NOL8: variants seen among roughly 807,000 people sequenced by gnomAD.
The protein encoded by NOL8 is nucleolar protein Nop132.
A neutral mutation model predicts 116.1 loss-of-function variants in NOL8; 93 were observed. That is an observed-to-expected ratio of 0.80 (90% CI 0.68 to 0.95). The LOEUF (loss-of-function observed/expected upper bound fraction) is 0.95, where lower values mean the gene tolerates loss of function less well. Among genes scored for constraint, NOL8 ranks in the 40% least tolerant of loss-of-function variants. The pLI is 0.00. For synonymous variants in NOL8, 419 were observed against 469.0 expected (o/e 0.89, Z 1.38); for missense variants, 1,291 against 1,382.8 (o/e 0.93, Z 1.05).
chr9:92,319,653 T>C (rs1839752375), intron 4 of NOL8, among the ~76,000 whole-genome samples: 1 of 152,238 alleles, frequency 6.6e-6, no homozygotes, highest in African/African-American at 2.4e-5. Flanking sequence ...TATGTAAATA[T>C]ACATATTTTA....
chr9:92,300,894 G>T, intron 13 of NOL8: 1 of 1,008,912 alleles, frequency 9.9e-7, no homozygotes, highest in Non-Finnish European at 1.2e-6. Context: ...TAGAATCATT[G>T]TAGTTAGGTA....
At chr9:92,308,817 GT>G (rs1298643438) in intron 10 of NOL8, 1 of 152,220 alleles carries the variant, frequency 6.6e-6, no homozygotes, top group Admixed American at 6.5e-5. Context: ...TGGAGGACAA[GT>G]TGTTTACGGC....
At chr9:92,319,767 T>A (rs553486559) in intron 4 of NOL8, among the ~76,000 whole-genome samples, 3 of 152,210 alleles carry the variant, frequency 2.0e-5, no homozygotes, top group Non-Finnish European at 4.4e-5. Context: ...TGCCTTTCCA[T>A]CAATCTACTG....
rs773193772 is a variant in NOL8, at chr9:92,315,946, C to G, written c.679G>C (p.Glu227Gln). 4 of 1,613,930 alleles carry G rather than the reference C, an allele frequency of 2.5e-6. No homozygotes were observed. The South Asian group carries it at 4.4e-5, about 18-fold the overall frequency. ...PKKIIKVQKDESSTGSLAMST... is the reference protein window; with the variant it reads ...PKKIIKVQKDQSSTGSLAMST... ...ATGGCCAGAGACCCAGTGGAACTCT[C>G]ATCCTTCTGCACTTTTATTATCTTC... The change falls in exon 7 of 17, where the codon GAG (glutamate) becomes CAG (glutamine). Residue 227 changes from glutamate to glutamine, a missense_variant. Glu to Gln is a conservative substitution (Grantham distance 29). Coordinates refer to ENST00000442668, the MANE Select transcript of NOL8 (RefSeq NM_017948.6).
At position 92,315,018 on chromosome 9, in the gene NOL8, C is replaced by G. The variant is rs372982099; in HGVS notation, c.1607G>C (p.Arg536Pro). The G allele has an allele frequency of 1.2e-6, 2 of 1,613,882 alleles. No homozygotes were observed. Among genetic ancestry groups the G allele is most frequent in the African/African-American group, 2.7e-5 (2 of 74,940 alleles). The change falls in exon 7 of 17, where the codon CGA becomes CCA. Residue 536 changes from arginine (R) to proline (P), a missense_variant. By Grantham distance (103) the Arg-to-Pro change is moderately radical. Coordinates refer to ENST00000442668, the MANE Select transcript of NOL8 (RefSeq NM_017948.6). ...AATCTCCGCAGGACGAATACACTGT[C>G]GGCCTCTGCGGAGGCCAGTGGGAGT... The part of the protein sequence containing the change: ...PKTPTGLRRG[R>P]QCIRPAEIVA...
intron 3 of NOL8, 198 bp downstream of exon 3, chr9:92,323,243 G>A: frequency 1.4e-6 from 2 of 1,458,858 alleles, no homozygotes; most frequent in Non-Finnish European, 1.8e-6. Context: ...CACCAGTAAA[G>A]TGCTACCATG....
chr9:92,319,813 A>G, intron 4 of NOL8: 1 of 344,914 alleles, frequency 2.9e-6, no homozygotes, highest in South Asian at 2.3e-5. Flanking sequence ...CCAGCAACTG[A>G]GCTATACGGT....
At position 92,297,731 on chromosome 9, in the gene NOL8, T is replaced by C. The variant is rs1465922943; in HGVS notation, c.*105A>G. ...TATTCCGTCAGCCAGATTTTTAAAATTCCTTCACTCTGAAATTTCTTCTTT... is the reference window on the plus strand; with the variant it reads ...TATTCCGTCAGCCAGATTTTTAAAACTCCTTCACTCTGAAATTTCTTCTTT... On this transcript the variant is annotated 3_prime_UTR_variant, in exon 17 of 17. Transcript: ENST00000442668. The C allele has an allele frequency of 1.2e-6, 1 of 820,146 alleles. No homozygotes were observed. Among genetic ancestry groups the C allele is most frequent in the Non-Finnish European group, 1.9e-6 (1 of 532,604 alleles). 50.8% of individuals were successfully genotyped at this position (820,146 alleles called of 1,614,324 possible).
At position 92,315,787 on chromosome 9, in the gene NOL8, T is replaced by C; in HGVS notation, c.838A>G (p.Asn280Asp). 3 of 1,613,774 alleles carry C rather than the reference T, an allele frequency of 1.9e-6. No individual in the cohort carries two copies. The highest frequency in any genetic ancestry group is 2.5e-6 in the Non-Finnish European group (3 of 1,179,806). The change falls in exon 7 of 17, where the codon AAT becomes GAT. Residue 280 changes from asparagine to aspartate, a missense_variant. By Grantham distance (23) the Asn-to-Asp change is conservative. Coordinates refer to ENST00000442668, the MANE Select transcript of NOL8 (RefSeq NM_017948.6). The stretch of plus-strand genomic sequence containing the variant: ...AAGCCAGAAGTCTTAAAAGGTAGAT[T>C]TTTAAGTTTCTGAGTATCAGAAACA... ...VPVSDTQKLK[N>D]LPFKTSGLET...
In NOL8 at chr9:92,315,636, T is replaced by G; in HGVS notation, c.989A>C (p.Glu330Ala). ...RTTQPSINES[E>A]SDPFEVVRDD... ...CCTTACAACTTCAAAAGGATCACTTTCAGATTCATTTATTGAGGGTTGTGT... is the reference window on the plus strand; with the variant it reads ...CCTTACAACTTCAAAAGGATCACTTGCAGATTCATTTATTGAGGGTTGTGT... Residue 330 changes from glutamate (E) to alanine (A), a missense_variant, in exon 7 of 17, where the codon GAA becomes GCA. By Grantham distance (107) the Glu-to-Ala change is moderately radical (BLOSUM62 -1). Coordinates refer to ENST00000442668, the MANE Select transcript of NOL8 (RefSeq NM_017948.6). The G allele has an allele frequency of 6.2e-7, 1 of 1,613,402 alleles. No individual in the cohort carries two copies. Among genetic ancestry groups the G allele is most frequent in the African/African-American group, 1.3e-5 (1 of 75,056 alleles).
chr9:92,313,774 AGT>A (rs1839081854), intron 7 of NOL8, among the ~76,000 whole-genome samples: 1 of 152,194 alleles, frequency 6.6e-6, no homozygotes, highest in African/African-American at 2.4e-5. Context: ...CAACTGACTT[AGT>A]GTGTCTCCTG....
Position 92,315,226 on chromosome 9 carries a change from C to T in NOL8, c.1399G>A (p.Asp467Asn), listed in dbSNP as rs751735035. The T allele has an allele frequency of 1.9e-6, 3 of 1,613,968 alleles. No individual in the cohort carries two copies. The East Asian group carries it at 6.7e-5, about 36-fold the overall frequency. Residue 467 changes from aspartate (D) to asparagine (N), a missense_variant, in exon 7 of 17, where the codon GAC becomes AAC. Transcript: ENST00000442668. ...TTATACTCCTCACCTCCTTCAGAGTCAGCTAATTCTGATGCAGAATCAGCA... is the reference window on the plus strand; with the variant it reads ...TTATACTCCTCACCTCCTTCAGAGTTAGCTAATTCTGATGCAGAATCAGCA... The part of the protein sequence containing the change: ...EDADSASELA[D>N]SEGGEEYNAM...
chr9:92,302,278 G>A (rs1837819361), intron 12 of NOL8, among the ~76,000 whole-genome samples: 1 of 152,090 alleles, frequency 6.6e-6, no homozygotes, highest in South Asian at 2.1e-4. Flanking sequence ...AATATGTATA[G>A]TGTCTTTTGA....
At chr9:92,306,122 T>C (rs534286116) in intron 11 of NOL8, among the ~76,000 whole-genome samples, 32 of 152,262 alleles carry the variant, frequency 2.1e-4, no homozygotes, top group African/African-American at 7.7e-4. Flanking sequence ...GCCTCCCAAG[T>C]AGCTGGGATT....
In NOL8 at chr9:92,305,226, A is replaced by G. The variant is rs529465486; in HGVS notation, c.2903+527T>C. 5.6e-4 allele frequency among the ~76,000 whole-genome samples: 85 copies of G among 152,266 alleles called. 1 individual carries two copies. The highest frequency in any genetic ancestry group is 1.7e-3 in the African/African-American group (71 of 41,560). ...TGTCCTTATAAGAGGCACAAAGAGGAGAGACAGAAAAGAAGAGGCCATGTG... is the reference window on the plus strand; with the variant it reads ...TGTCCTTATAAGAGGCACAAAGAGGGGAGACAGAAAAGAAGAGGCCATGTG... On this transcript the variant is annotated intron_variant, in intron 12 of 16. Transcript: ENST00000442668.
At chr9:92,316,674 G>A (rs1839439824) in intron 6 of NOL8, among the ~76,000 whole-genome samples, 1 of 152,080 alleles carries the variant, frequency 6.6e-6, no homozygotes, top group African/African-American at 2.4e-5. Context: ...TAGAAAGCTG[G>A]CCTGGGCACG....
intron 12 of NOL8, among the ~76,000 whole-genome samples, chr9:92,304,777 A>G (rs1199945828): frequency 6.6e-6 from 1 of 152,170 alleles, no homozygotes; most frequent in African/African-American, 2.4e-5. Flanking sequence ...ATAATTGTCA[A>G]AATTAGAAGA....
In NOL8 at chr9:92,305,770, A is replaced by T; in HGVS notation, c.2886T>A (p.Asp962Glu). ...QDHATYERKR[D>E]DKPKESKAKR... ...CTACTTACCTTTCTTTTGGCTTATC[A>T]TCTCTTTTTCTTTCGTAAGTGGCAT... Residue 962 changes from aspartate to glutamate, a missense_variant, in exon 12 of 17, where the codon GAT (aspartate) becomes GAA (glutamate). Coordinates refer to ENST00000442668, the MANE Select transcript of NOL8 (RefSeq NM_017948.6). 1.2e-6 allele frequency: 2 copies of T among 1,610,496 alleles called. No homozygotes were observed. Among genetic ancestry groups the T allele is most frequent in the Non-Finnish European group, 1.7e-6 (2 of 1,177,038 alleles).
At chr9:92,303,421 A>G (rs1837927425) in intron 12 of NOL8, among the ~76,000 whole-genome samples, 1 of 152,238 alleles carries the variant, frequency 6.6e-6, no homozygotes, top group African/African-American at 2.4e-5. Flanking sequence ...TGAAAATTTC[A>G]GTGTCCTTTA....
Sources: allele counts gnomAD v4.1 joint callset (sites outside exome capture counted in the v4.1 genomes callset), GRCh38; gene constraint gnomAD v4.1.1; transcripts MANE v1.5; gene names NCBI Gene and HGNC (gene_info 2026-07-23, HGNC 2026-07-21).